Variants in SDK1 observed in about 807,000 individuals in gnomAD.
SDK1 encodes the protein sidekick cell adhesion molecule 1.
In SDK1, 157 loss-of-function variants were observed where a neutral mutation model predicts 245.5. The observed-to-expected ratio is 0.64, with a 90% CI of 0.56 to 0.73. The LOEUF is 0.73. Among genes scored for constraint, SDK1 ranks in the 30% least tolerant of loss-of-function variants. The probability of loss-of-function intolerance (pLI) is 0.00; values close to 1 mark genes in which losing one functional copy is unlikely to be tolerated. For synonymous variants in SDK1, 1,647 were observed against 1,278.5 expected (o/e 1.29, Z -6.15); for missense variants, 3,583 against 3,002.3 (o/e 1.19, Z -4.52).
At chr7:3,624,520 C>G (rs1433786402) in intron 2 of SDK1, among the ~76,000 whole-genome samples, 2 of 151,930 alleles carry the variant, frequency 1.3e-5, no homozygotes, top group African/African-American at 4.8e-5. Flanking sequence ...ATAAAAAATG[C>G]CAATGGGATT....
intron 1 of SDK1, among the ~76,000 whole-genome samples, chr7:3,569,582 T>A (rs572686930): frequency 6.6e-6 from 1 of 152,250 alleles, no homozygotes; most frequent in South Asian, 2.1e-4. Context: ...CGGTTCATCA[T>A]TGGTGTCTGC....
chr7:3,335,206 G>C (rs968912299), intron 1 of SDK1, among the ~76,000 whole-genome samples: 1 of 152,110 alleles, frequency 6.6e-6, no homozygotes, highest in Non-Finnish European at 1.5e-5. Flanking sequence ...TGCTCACTTA[G>C]ATTATAAATA....
chr7:3,836,697 C>T (rs181509087), intron 5 of SDK1, among the ~76,000 whole-genome samples: 1 of 152,332 alleles, frequency 6.6e-6, no homozygotes, highest in East Asian at 1.9e-4. Flanking sequence ...ACATCTGCCC[C>T]TCACATTGCT....
At chr7:4,025,992 C>T (rs1787312600) in intron 17 of SDK1, among the ~76,000 whole-genome samples, 1 of 152,212 alleles carries the variant, frequency 6.6e-6, no homozygotes, top group Admixed American at 6.5e-5. Flanking sequence ...GCTGGAAATG[C>T]TGAATCCGGG....
At chr7:4,140,578 G>GT (rs57481894) in intron 28 of SDK1, among the ~76,000 whole-genome samples, 1 of 152,018 alleles carries the variant, frequency 6.6e-6, no homozygotes, top group African/African-American at 2.4e-5. Flanking sequence ...CAGCAGGGGG[G>GT]AGCTGAGGCC....
At chr7:3,737,250 T>C (rs1779341901) in intron 4 of SDK1, among the ~76,000 whole-genome samples, 2 of 152,204 alleles carry the variant, frequency 1.3e-5, no homozygotes, top group Non-Finnish European at 2.9e-5. Context: ...GACTGCTGTC[T>C]GGGCTCTCTG....
intron 1 of SDK1, among the ~76,000 whole-genome samples, chr7:3,567,089 G>A (rs923562244): frequency 1.3e-5 from 2 of 152,166 alleles, no homozygotes; most frequent in Admixed American, 6.5e-5. Flanking sequence ...TTGAATAAGG[G>A]ATATGCCTGA....
chr7:3,954,960 A>AC (rs1781139741), intron 7 of SDK1, among the ~76,000 whole-genome samples: 2 of 148,556 alleles, frequency 1.3e-5, no homozygotes, highest in Non-Finnish European at 3.0e-5. Context: ...CTATGAAACC[A>AC]TTTTTTTTTT....
intron 43 of SDK1, among the ~76,000 whole-genome samples, 179 bp downstream of exon 43, chr7:4,242,092 G>A (rs939186929): frequency 6.6e-6 from 1 of 152,184 alleles, no homozygotes; most frequent in Non-Finnish European, 1.5e-5. Context: ...AGGAGGGACG[G>A]GGTCGGCAGA....
Position 3,712,670 on chromosome 7 carries a change from G to A in SDK1, c.713+70565G>A, listed in dbSNP as rs115787463. Reference sequence around the variant, plus strand: ...GGACATTTCACTGCCTTCCTGAAGCGCATGGCAGTGGGCATATGAACAGAC... The same window carrying A: ...GGACATTTCACTGCCTTCCTGAAGCACATGGCAGTGGGCATATGAACAGAC... On this transcript the variant is annotated intron_variant, in intron 4 of 44. Transcript: ENST00000404826. Among the ~76,000 whole-genome samples the A allele has an allele frequency of 2.0e-3, 303 of 152,272 alleles. 1 individual carries two copies. Among genetic ancestry groups the A allele is most frequent in the African/African-American group, 6.3e-3 (263 of 41,544 alleles).
chr7:3,854,199 T>A (rs1257978140), intron 5 of SDK1, among the ~76,000 whole-genome samples: 1 of 151,950 alleles, frequency 6.6e-6, no homozygotes, highest in Non-Finnish European at 1.5e-5. Context: ...TACGGTGTGG[T>A]AGAGGAACCA....
At chr7:4,258,737 T>C (rs1787779081) in intron 44 of SDK1, among the ~76,000 whole-genome samples, 1 of 152,126 alleles carries the variant, frequency 6.6e-6, no homozygotes, top group Non-Finnish European at 1.5e-5. Context: ...CTAGGATCCC[T>C]TGTGGTAGGG....
At chr7:3,468,480 TC>T (rs1781080633) in intron 1 of SDK1, among the ~76,000 whole-genome samples, 2 of 152,092 alleles carry the variant, frequency 1.3e-5, no homozygotes, top group African/African-American at 4.8e-5. Context: ...AGAACCCCTT[TC>T]CCCATAGCCA....
At chr7:3,867,686 A>T (rs1780854208) in intron 5 of SDK1, among the ~76,000 whole-genome samples, 1 of 152,202 alleles carries the variant, frequency 6.6e-6, no homozygotes, top group Non-Finnish European at 1.5e-5. Flanking sequence ...TCCCTCCCAC[A>T]ATACATGGGA....
intron 17 of SDK1, among the ~76,000 whole-genome samples, chr7:4,030,788 A>C (rs1170002863): frequency 6.6e-6 from 1 of 152,128 alleles, no homozygotes; most frequent in Non-Finnish European, 1.5e-5. Context: ...TCTGGCAATT[A>C]TCACTTATAT....
At chr7:3,394,807 T>C (rs1562460706) in intron 1 of SDK1, among the ~76,000 whole-genome samples, 2 of 152,118 alleles carry the variant, frequency 1.3e-5, no homozygotes, top group Non-Finnish European at 1.5e-5. Flanking sequence ...GATTGTTTAT[T>C]GCTTATAGAA....
intron 4 of SDK1, among the ~76,000 whole-genome samples, chr7:3,676,167 A>T (rs371184090): frequency 2.7e-5 from 4 of 150,858 alleles, no homozygotes; most frequent in African/African-American, 9.8e-5. Context: ...GGGTCTCACT[A>T]TGTTGCCACC....
chr7:3,656,306 C>G (rs1052401057), intron 4 of SDK1, among the ~76,000 whole-genome samples: 1 of 152,146 alleles, frequency 6.6e-6, no homozygotes, highest in Admixed American at 6.5e-5. Context: ...TGTGTATCTG[C>G]TAGATAGTTT....
intron 1 of SDK1, among the ~76,000 whole-genome samples, chr7:3,356,621 G>A (rs1279797505): frequency 6.6e-6 from 1 of 152,140 alleles, no homozygotes; most frequent in Non-Finnish European, 1.5e-5. Context: ...AGAACTAAGT[G>A]TGTTGTCTGT....
Sources: allele counts gnomAD v4.1 joint callset (sites outside exome capture counted in the v4.1 genomes callset), GRCh38; gene constraint gnomAD v4.1.1; transcripts MANE v1.5; gene names NCBI Gene and HGNC (gene_info 2026-07-23, HGNC 2026-07-21).